RALGPS1: variants seen among roughly 807,000 people sequenced by gnomAD.
RALGPS1 encodes Ral GEF with PH domain and SH3 binding motif 1.
Under a neutral mutation model 78.8 loss-of-function variants are expected in RALGPS1, and 19 were observed. The ratio of observed to expected loss-of-function variants is 0.24; its 90% CI spans 0.17 to 0.35. RALGPS1 has a LOEUF of 0.35. Ranked by LOEUF, RALGPS1 falls within the 10% of genes least tolerant of loss-of-function variation. RALGPS1 has a pLI of 1.00. For synonymous variants in RALGPS1, 228 were observed against 256.3 expected (o/e 0.89, Z 1.06); for missense variants, 454 against 688.3 (o/e 0.66, Z 3.81).
At chr9:127,198,116 C>T (rs977036309) in intron 13 of RALGPS1, among the ~76,000 whole-genome samples, 2 of 152,180 alleles carry the variant, frequency 1.3e-5, no homozygotes, top group African/African-American at 2.4e-5. Context: ...GTTTGGTTCC[C>T]GGCTCCTCAA....
At chr9:126,964,936 C>A (rs1056216659) in intron 2 of RALGPS1, among the ~76,000 whole-genome samples, 4 of 152,130 alleles carry the variant, frequency 2.6e-5, no homozygotes, top group African/African-American at 9.7e-5. Flanking sequence ...TTAATGGAAA[C>A]CACAAAATCC....
rs117011968 is a variant in RALGPS1 at position 127,186,643 on chromosome 9, C to G, written c.911-8448C>G. 5.3e-5 allele frequency among the ~76,000 whole-genome samples: 8 copies of G among 152,366 alleles called. No individual in the cohort carries two copies. The East Asian group carries it at 1.5e-3, about 29-fold the overall frequency. The stretch of plus-strand genomic sequence containing the variant: ...GGGGCCCAGTTGAATGGGAATTCTT[C>G]TGCTTCCGCGTCAGACCCAGGCTGT... On this transcript the variant is annotated intron_variant, in intron 11 of 18. Coordinates refer to ENST00000259351, the MANE Select transcript of RALGPS1 (RefSeq NM_014636.3).
intron 3 of RALGPS1, among the ~76,000 whole-genome samples, chr9:126,967,553 T>C (rs998903592): frequency 7.9e-5 from 12 of 152,160 alleles, no homozygotes; most frequent in African/African-American, 2.7e-4. Flanking sequence ...ATTTTTTTTT[T>C]TGAGACAGCA....
In RALGPS1 at chr9:127,218,713, A is replaced by G; in HGVS notation, c.1645-27A>G. 6.2e-7 allele frequency: 1 copy of G among 1,612,264 alleles called. No homozygotes were observed. Among genetic ancestry groups the G allele is most frequent in the Non-Finnish European group, 8.5e-7 (1 of 1,178,286 alleles). Reference sequence around the variant, plus strand: ...TGTCCTTCTCTGAGGTCGGAACTTTAACAAGAGGCTGAGCTTTCTCTTCTA... The same window carrying G: ...TGTCCTTCTCTGAGGTCGGAACTTTGACAAGAGGCTGAGCTTTCTCTTCTA... On this transcript the variant is annotated intron_variant, in intron 18 of 18. Transcript: ENST00000259351. This position sits in a 1 kb window ranked among gnomAD's most constrained non-coding sequence, Gnocchi z 4.4.
intron 4 of RALGPS1, among the ~76,000 whole-genome samples, chr9:126,997,997 T>A (rs1564388976): frequency 6.6e-6 from 1 of 152,230 alleles, no homozygotes. Context: ...ATCCCTTCCT[T>A]ACATGTTATA....
intron 8 of RALGPS1, among the ~76,000 whole-genome samples, chr9:127,165,031 ATTG>A (rs1293195862): frequency 6.6e-6 from 1 of 152,050 alleles, no homozygotes; most frequent in African/African-American, 2.4e-5. Flanking sequence ...TATGCTATGT[ATTG>A]TTTGATGTGT....
At chr9:126,915,679 G>A (rs985845228) in intron 1 of RALGPS1, among the ~76,000 whole-genome samples, 7 of 151,784 alleles carry the variant, frequency 4.6e-5, no homozygotes, top group Non-Finnish European at 8.8e-5. Flanking sequence ...GTTACTGGCC[G>A]GTTGCCTCCC....
chr9:127,079,577 T>G (rs1207700978), intron 8 of RALGPS1: 2 of 152,228 alleles, frequency 1.3e-5, no homozygotes, highest in Non-Finnish European at 2.9e-5. Context: ...CTTTCTACTC[T>G]CTTTTGGATC....
intron 8 of RALGPS1, chr9:127,087,663 T>C (rs1469624034): frequency 6.6e-6 from 1 of 152,324 alleles, no homozygotes; most frequent in Non-Finnish European, 1.5e-5. Flanking sequence ...CATGCTGCAG[T>C]GCATCAACCA....
rs1326171094 is a variant in RALGPS1, at chr9:126,946,785, C to T, written c.-65-15440C>T. ...TTTTACCCTCATTTCTTGATGTTCCCTTTAAGCCCACCCCCACAAATATCC... is the reference window on the plus strand; with the variant it reads ...TTTTACCCTCATTTCTTGATGTTCCTTTTAAGCCCACCCCCACAAATATCC... On this transcript the variant is annotated intron_variant, in intron 1 of 18. Coordinates refer to ENST00000259351, the MANE Select transcript of RALGPS1 (RefSeq NM_014636.3). Among the ~76,000 whole-genome samples, 4 of 152,078 alleles carry T rather than the reference C, an allele frequency of 2.6e-5. No individual in the cohort carries two copies. In the East Asian group the frequency reaches 7.7e-4, roughly 29 times the overall value.
intron 1 of RALGPS1, among the ~76,000 whole-genome samples, chr9:126,948,193 A>G (rs2037465493): frequency 6.6e-6 from 1 of 151,946 alleles, no homozygotes; most frequent in Non-Finnish European, 1.5e-5. Flanking sequence ...AGTTTACATA[A>G]TTCTACTATG....
chr9:127,013,588 C>T (rs1297971926), intron 4 of RALGPS1, among the ~76,000 whole-genome samples: 2 of 152,128 alleles, frequency 1.3e-5, no homozygotes, highest in Non-Finnish European at 2.9e-5. Context: ...TGGCACTTAT[C>T]TCCCAGCGGG....
intron 1 of RALGPS1, among the ~76,000 whole-genome samples, chr9:126,921,992 G>A (rs1369777906): frequency 6.6e-6 from 1 of 152,164 alleles, no homozygotes; most frequent in Non-Finnish European, 1.5e-5. Flanking sequence ...GGTGATGGGG[G>A]GCTGGGAAGC....
At chr9:126,963,208 G>T (rs1320491941) in intron 2 of RALGPS1, among the ~76,000 whole-genome samples, 1 of 152,178 alleles carries the variant, frequency 6.6e-6, no homozygotes, top group African/African-American at 2.4e-5. Context: ...GTTTGGGGCA[G>T]ATACAATGGT....
At position 127,212,929 on chromosome 9, in the gene RALGPS1, G is replaced by A; in HGVS notation, c.1447-15G>A. The A allele has an allele frequency of 6.2e-7, 1 of 1,614,122 alleles. No homozygotes were observed. The highest frequency in any genetic ancestry group is 2.2e-5 in the East Asian group (1 of 44,872). The stretch of plus-strand genomic sequence containing the variant: ...CTGGGCCCCGGTCTCCGGATGTGTT[G>A]TTGCTCTCCTCCAGTATAAATCCAC... On this transcript the variant is annotated splice_polypyrimidine_tract_variant and intron_variant, in intron 16 of 18. Transcript: ENST00000259351. This position sits in a 1 kb window ranked among gnomAD's most constrained non-coding sequence, Gnocchi z 6.0.
intron 8 of RALGPS1, among the ~76,000 whole-genome samples, chr9:127,145,018 G>A (rs1685979877): frequency 1.3e-5 from 2 of 152,138 alleles, no homozygotes; most frequent in South Asian, 4.1e-4. Context: ...TAATAATATA[G>A]GTACTATGTT....
chr9:126,991,638 G>T (rs766806471), intron 4 of RALGPS1, among the ~76,000 whole-genome samples: 1 of 152,168 alleles, frequency 6.6e-6, no homozygotes, highest in Non-Finnish European at 1.5e-5. Flanking sequence ...AGGCAGGAAG[G>T]TCTGCATTTG....
chr9:127,185,127 A>G (rs144925643), intron 11 of RALGPS1, among the ~76,000 whole-genome samples: 409 of 152,106 alleles, frequency 2.7e-3, no homozygotes, highest in African/African-American at 9.3e-3. Flanking sequence ...ACCGACGGTC[A>G]CCCCAAGTCC....
intron 4 of RALGPS1, among the ~76,000 whole-genome samples, chr9:127,018,948 C>T (rs1371070287): frequency 2.6e-5 from 4 of 152,116 alleles, no homozygotes; most frequent in Admixed American, 1.3e-4. Context: ...ACCAAAATGT[C>T]GTTCTGCAGT....
Sources: allele counts gnomAD v4.1 joint callset (sites outside exome capture counted in the v4.1 genomes callset), GRCh38; gene constraint gnomAD v4.1.1; non-coding constraint Gnocchi (gnomAD v3.1); transcripts MANE v1.5; gene names NCBI Gene and HGNC (gene_info 2026-07-23, HGNC 2026-07-21).